Variants in ZDHHC14 observed in about 807,000 individuals in gnomAD.
The protein encoded by ZDHHC14 is palmitoyltransferase ZDHHC14.
ZDHHC14 carries 16 observed loss-of-function variants against 47.7 expected under a neutral mutation model. The observed-to-expected ratio is 0.34, with a 90% CI of 0.23 to 0.51. The LOEUF is 0.51. ZDHHC14 is among the 20% of genes least tolerant of loss of function. ZDHHC14 has a pLI of 0.97. For missense variants in ZDHHC14, 515 were observed against 662.5 expected (o/e 0.78, Z 2.44); for synonymous variants, 293 against 278.9 (o/e 1.05, Z -0.50).
chr6:157,572,640 C>T (rs1783145735), intron 2 of ZDHHC14, among the ~76,000 whole-genome samples: 1 of 122,386 alleles, frequency 8.2e-6, no homozygotes, highest in Non-Finnish European at 1.7e-5. Context: ...GCTATCCCTC[C>T]CCCCGCCCCC....
chr6:157,597,521 C>G (rs1028574921), intron 3 of ZDHHC14, among the ~76,000 whole-genome samples: 2 of 152,232 alleles, frequency 1.3e-5, no homozygotes, highest in Non-Finnish European at 2.9e-5. Flanking sequence ...AGAAAGTTTG[C>G]TAGACAGTAA....
intron 3 of ZDHHC14, among the ~76,000 whole-genome samples, chr6:157,616,364 G>A (rs1784962293): frequency 6.6e-6 from 1 of 152,220 alleles, no homozygotes; most frequent in Non-Finnish European, 1.5e-5. Context: ...GAGGCAGCTT[G>A]TGAGGAGGAG....
At chr6:157,509,503 A>G (rs1274707092) in intron 1 of ZDHHC14, among the ~76,000 whole-genome samples, 2 of 152,158 alleles carry the variant, frequency 1.3e-5, no homozygotes, top group African/African-American at 4.8e-5. Flanking sequence ...GAGAAGTGAA[A>G]TGACTTTCCA....
chr6:157,626,490 G>C (rs531467370), intron 3 of ZDHHC14, among the ~76,000 whole-genome samples: 6 of 152,198 alleles, frequency 3.9e-5, no homozygotes, highest in African/African-American at 1.4e-4. Context: ...AGGTTTGTTC[G>C]TTGTCAATAT....
At chr6:157,569,004 G>A (rs943767578) in intron 2 of ZDHHC14, among the ~76,000 whole-genome samples, 1 of 151,694 alleles carries the variant, frequency 6.6e-6, no homozygotes, top group Non-Finnish European at 1.5e-5. Context: ...TGTTATATAT[G>A]TTACAAATAT....
At chr6:157,623,792 C>T (rs1785290623) in intron 3 of ZDHHC14, among the ~76,000 whole-genome samples, 1 of 152,136 alleles carries the variant, frequency 6.6e-6, no homozygotes. Flanking sequence ...TCGTGATCTG[C>T]CCGCCTCGGC....
intron 2 of ZDHHC14, among the ~76,000 whole-genome samples, chr6:157,548,308 G>A: frequency 1.3e-5 from 2 of 152,076 alleles, no homozygotes; most frequent in South Asian, 4.1e-4. Context: ...AGCCTCTCAC[G>A]CACTCTGACT....
intron 1 of ZDHHC14, among the ~76,000 whole-genome samples, chr6:157,523,069 C>G (rs1190293438): frequency 6.6e-6 from 1 of 150,422 alleles, no homozygotes; most frequent in Non-Finnish European, 1.5e-5. Context: ...ACATCTAGGG[C>G]GGCTGTGTTG....
intron 2 of ZDHHC14, among the ~76,000 whole-genome samples, chr6:157,550,189 C>T (rs1404338117): frequency 6.6e-6 from 1 of 152,234 alleles, no homozygotes; most frequent in Non-Finnish European, 1.5e-5. Flanking sequence ...CCTAAGTTCA[C>T]ATAGGCATTC....
chr6:157,672,723 G>T lies in ZDHHC14; in HGVS notation c.1069-1G>T. ...CTTTGCTGGCGCCTCCCGCTCTCCA[G>T]TGCGACCAAGACCAGTGCATTCAGA... On this transcript the variant is annotated splice_acceptor_variant, in intron 8 of 8. Coordinates refer to ENST00000359775, the MANE Select transcript of ZDHHC14 (RefSeq NM_024630.3). LOFTEE classifies it high-confidence loss of function. 1 of 1,385,898 alleles carries T rather than the reference G, an allele frequency of 7.2e-7. No homozygotes were observed. Among genetic ancestry groups the T allele is most frequent in the Non-Finnish European group, 9.6e-7 (1 of 1,037,922 alleles). The allele number at this position is 1,385,898 out of a possible 1,614,324, so 85.9% of individuals were successfully genotyped here.
chr6:157,590,698 C>G (rs1458670896), intron 2 of ZDHHC14, among the ~76,000 whole-genome samples: 2 of 152,252 alleles, frequency 1.3e-5, no homozygotes, highest in Non-Finnish European at 2.9e-5. Context: ...AGAGCCCCCA[C>G]ATAGAGTCCC....
At chr6:157,618,418 T>C (rs1785050488) in intron 3 of ZDHHC14, among the ~76,000 whole-genome samples, 2 of 152,052 alleles carry the variant, frequency 1.3e-5, no homozygotes, top group Admixed American at 1.3e-4. Context: ...GCCTCCTGGG[T>C]TCAAGTGATT....
chr6:157,585,627 C>T (rs1160575842), intron 2 of ZDHHC14, among the ~76,000 whole-genome samples: 1 of 152,156 alleles, frequency 6.6e-6, no homozygotes, highest in Non-Finnish European at 1.5e-5. Context: ...GGTTTCAAGC[C>T]CCCTTGTTCC....
intron 1 of ZDHHC14, among the ~76,000 whole-genome samples, chr6:157,416,164 T>C (rs1014754757): frequency 2.6e-5 from 4 of 152,222 alleles, no homozygotes; most frequent in African/African-American, 9.6e-5. Flanking sequence ...TTGGATTGTA[T>C]CTTTTAAAAT....
At chr6:157,421,492 CAAAAAAAAAAAA>C (rs147380621) in intron 1 of ZDHHC14, among the ~76,000 whole-genome samples, 5 of 56,714 alleles carry the variant, frequency 8.8e-5, no homozygotes, top group Admixed American at 8.4e-4. Context: ...GACTCCGTCT[CAAAAAAAAAAAA>C]AAAAAAAAAA....
chr6:157,623,089 T>C (rs919027889), intron 3 of ZDHHC14, among the ~76,000 whole-genome samples: 1 of 152,138 alleles, frequency 6.6e-6, no homozygotes, highest in East Asian at 1.9e-4. Flanking sequence ...ACCTTCCAGG[T>C]ATTCCAGCCA....
At chr6:157,523,849 C>T (rs1471760601) in intron 1 of ZDHHC14, among the ~76,000 whole-genome samples, 2 of 152,088 alleles carry the variant, frequency 1.3e-5, no homozygotes, top group African/African-American at 4.8e-5. Flanking sequence ...TGCAGTGGGC[C>T]GTGATCTCAC....
At chr6:157,672,155 C>T (rs146571665) in intron 8 of ZDHHC14, among the ~76,000 whole-genome samples, 2,223 of 152,268 alleles carry the variant, frequency 0.015, 22 homozygotes, top group Non-Finnish European at 0.023. Flanking sequence ...CCACCCATCT[C>T]GTGGATGTGT....
intron 3 of ZDHHC14, among the ~76,000 whole-genome samples, chr6:157,599,987 A>G (rs1378424983): frequency 6.6e-6 from 1 of 152,220 alleles, no homozygotes; most frequent in Admixed American, 6.5e-5. Context: ...TGGGCCAAGG[A>G]GTGAGTAGAA....
Sources: allele counts gnomAD v4.1 joint callset (sites outside exome capture counted in the v4.1 genomes callset), GRCh38; gene constraint gnomAD v4.1.1; transcripts MANE v1.5; gene names NCBI Gene and HGNC (gene_info 2026-07-23, HGNC 2026-07-21).